TMBIM6: variants seen among roughly 807,000 people sequenced by gnomAD.
TMBIM6 encodes transmembrane BAX inhibitor motif containing 6.
Under a neutral mutation model 31.4 loss-of-function variants are expected in TMBIM6, and 13 were observed. That is an observed-to-expected ratio of 0.41 (90% CI 0.27 to 0.66). The LOEUF (loss-of-function observed/expected upper bound fraction) is 0.66, where lower values mean the gene tolerates loss of function less well. Ranked by LOEUF, TMBIM6 falls within the 30% of genes least tolerant of loss-of-function variation. The probability of loss-of-function intolerance (pLI) is 0.28; values close to 1 mark genes in which losing one functional copy is unlikely to be tolerated. For missense variants in TMBIM6, 275 were observed against 289.5 expected (o/e 0.95, Z 0.36); for synonymous variants, 85 against 101.7 (o/e 0.84, Z 0.99).
intron 1 of TMBIM6, 133 bp from the exon 2 acceptor site, chr12:49,752,331 G>A (rs1945509137): frequency 1.9e-6 from 1 of 530,532 alleles, no homozygotes; most frequent in Non-Finnish European, 3.3e-6. Flanking sequence ...AAATAAAAAT[G>A]GTTGTGTTAG....
At chr12:49,750,642 TTAG>T (rs1205457733) in intron 1 of TMBIM6, 5 of 152,156 alleles carry the variant, frequency 3.3e-5, no homozygotes, top group Non-Finnish European at 5.9e-5. Flanking sequence ...AGCAACAACC[TTAG>T]TAGGTTCTGC....
At position 49,756,742 on chromosome 12, in the gene TMBIM6, G is replaced by GT. The variant is rs567805408; in HGVS notation, c.286+998dup. 9.8e-3 allele frequency among the ~76,000 whole-genome samples: 1,226 copies of GT among 125,148 alleles called. 12 individuals carry two copies. The highest frequency in any genetic ancestry group is 0.035 in the Middle Eastern group (6 of 172). 82.1% of individuals were successfully genotyped at this position (125,148 alleles called of 152,430 possible). The stretch of plus-strand genomic sequence containing the variant: ...ACCCAGCGCTTTTTTTTGTTTTTTT[G>GT]TTTTTTTTTTTGAGACTGAGTTTCA... On this transcript the variant is annotated intron_variant, in intron 4 of 9. Transcript: ENST00000267115.
At chr12:49,745,380 TTAA>T (rs1945372051) in intron 1 of TMBIM6, among the ~76,000 whole-genome samples, 1 of 152,206 alleles carries the variant, frequency 6.6e-6, no homozygotes, top group Admixed American at 6.5e-5. Flanking sequence ...ATGATTGGAC[TTAA>T]TGATTTTTTA....
At position 49,753,052 on chromosome 12, in the gene TMBIM6, T is replaced by G; in HGVS notation, c.136T>G (p.Tyr46Asp). ...TATGTTTGTGGCGGCTGCAGGGGCCTATGTCCATATGGTCACTCATTTCAT... is the reference window on the plus strand; with the variant it reads ...TATGTTTGTGGCGGCTGCAGGGGCCGATGTCCATATGGTCACTCATTTCAT... Reference protein sequence around the residue: ...LCMFVAAAGAYVHMVTHFIQA... With the variant: ...LCMFVAAAGADVHMVTHFIQA... Residue 46 changes from tyrosine to aspartate, a missense_variant, in exon 3 of 10, where the codon TAT becomes GAT. Tyr to Asp is a radical substitution (Grantham distance 160). Transcript: ENST00000267115. The G allele has an allele frequency of 6.2e-7, 1 of 1,614,046 alleles. No individual in the cohort carries two copies. The highest frequency in any genetic ancestry group is 8.5e-7 in the Non-Finnish European group (1 of 1,179,978).
At position 49,764,807 on chromosome 12, in the gene TMBIM6, G is replaced by C. The variant is rs1284700093; in HGVS notation, c.*1911G>C. ...GTTATCTCTACCACTTTCTTTTCTA[G>C]TTTCTTGATTTTCAGCTCAGGCTGC... On this transcript the variant is annotated 3_prime_UTR_variant, in exon 10 of 10. Coordinates refer to ENST00000267115, the MANE Select transcript of TMBIM6 (RefSeq NM_003217.3). 1 of 151,392 alleles carries C rather than the reference G, an allele frequency of 6.6e-6. No individual in the cohort carries two copies. The highest frequency in any genetic ancestry group is 2.4e-5 in the African/African-American group (1 of 41,048). 9.4% of individuals were successfully genotyped at this position (151,392 alleles called of 1,614,324 possible).
chr12:49,760,085 C>T (rs1467331986), intron 8 of TMBIM6, among the ~76,000 whole-genome samples: 2 of 145,506 alleles, frequency 1.4e-5, no homozygotes, highest in African/African-American at 2.6e-5. Context: ...GCACTCCAGC[C>T]TGGACGACAG....
intron 1 of TMBIM6, among the ~76,000 whole-genome samples, chr12:49,744,930 T>C (rs990129999): frequency 2.0e-5 from 3 of 152,072 alleles, no homozygotes; most frequent in African/African-American, 7.3e-5. Context: ...GGAGATGAAG[T>C]AGTGTCAACG....
chr12:49,750,178 C>A (rs1945469812), intron 1 of TMBIM6, among the ~76,000 whole-genome samples: 1 of 152,144 alleles, frequency 6.6e-6, no homozygotes, highest in Non-Finnish European at 1.5e-5. Flanking sequence ...TGGGAAACGT[C>A]AGAGAAGTAT....
rs971790698 is a variant in TMBIM6 at position 49,742,001 on chromosome 12, A to T, written c.-31+390A>T. The T allele has an allele frequency of 3.9e-6, 5 of 1,289,928 alleles. No homozygotes were observed. The African/African-American group carries it at 5.9e-5, about 15-fold the overall frequency. 79.9% of individuals were successfully genotyped at this position (1,289,928 alleles called of 1,614,324 possible). A position where few individuals can be genotyped will look rare whatever the true frequency, so the allele number is the denominator to read the frequency against. On this transcript the variant is annotated intron_variant, in intron 1 of 9. Coordinates refer to ENST00000267115, the MANE Select transcript of TMBIM6 (RefSeq NM_003217.3). Reference sequence around the variant, plus strand: ...AGCTTCGATCGTTCGAATTCAGAGCACGTCCTTCCGAGGTGAAGGAACGCG... The same window carrying T: ...AGCTTCGATCGTTCGAATTCAGAGCTCGTCCTTCCGAGGTGAAGGAACGCG...
intron 4 of TMBIM6, among the ~76,000 whole-genome samples, chr12:49,757,122 C>G (rs1271844678): frequency 6.6e-6 from 1 of 152,196 alleles, no homozygotes; most frequent in Non-Finnish European, 1.5e-5. Context: ...CTGCCTCAGC[C>G]TCCCAAAGTG....
At chr12:49,745,499 C>T (rs1945374350) in intron 1 of TMBIM6, among the ~76,000 whole-genome samples, 2 of 152,018 alleles carry the variant, frequency 1.3e-5, no homozygotes, top group African/African-American at 4.8e-5. Context: ...CCGAGGTGGG[C>T]AGATCACTTG....
At chr12:49,749,857 G>T (rs1945463749) in intron 1 of TMBIM6, 2 of 152,172 alleles carry the variant, frequency 1.3e-5, no homozygotes, top group Admixed American at 6.5e-5. Flanking sequence ...GTCAACCCTG[G>T]TAAGTCAGGG....
intron 4 of TMBIM6, 82 bp downstream of exon 4, chr12:49,755,837 CT>C (rs369987981): frequency 0.16 from 165,745 of 1,053,786 alleles, no homozygotes; most frequent in South Asian, 0.2. Flanking sequence ...CTTTTTTTTT[CT>C]TTTTTTTTTT....
intron 1 of TMBIM6, chr12:49,742,083 C>T: frequency 3.2e-6 from 5 of 1,583,454 alleles, no homozygotes; most frequent in Non-Finnish European, 3.4e-6. Flanking sequence ...GTCGGGCTGA[C>T]CCTGGGTGAG....
At chr12:49,749,233 G>C (rs941903194) in intron 1 of TMBIM6, among the ~76,000 whole-genome samples, 11 of 152,142 alleles carry the variant, frequency 7.2e-5, no homozygotes, top group African/African-American at 2.7e-4. Flanking sequence ...CAGCTCTAGA[G>C]CAAACTATCA....
intron 1 of TMBIM6, among the ~76,000 whole-genome samples, chr12:49,745,014 C>A (rs908420156): frequency 2.0e-5 from 3 of 148,028 alleles, no homozygotes; most frequent in African/African-American, 7.9e-5. Flanking sequence ...TTGAGGCAGC[C>A]CCCTGGAGGA....
At chr12:49,758,847 G>A (rs1433549434) in intron 7 of TMBIM6, 85 bp downstream of exon 7, 2 of 1,135,270 alleles carry the variant, frequency 1.8e-6, no homozygotes, top group East Asian at 2.4e-5. Flanking sequence ...ACTTCTTTCT[G>A]TACTACTTTG....
intron 8 of TMBIM6, among the ~76,000 whole-genome samples, chr12:49,759,969 G>A (rs1316577212): frequency 2.6e-5 from 4 of 151,596 alleles, no homozygotes; most frequent in African/African-American, 7.3e-5. Context: ...AAAATTAGTC[G>A]GGCGTGGTGG....
At chr12:49,756,790 G>A (rs1159201955) in intron 4 of TMBIM6, among the ~76,000 whole-genome samples, 2 of 150,812 alleles carry the variant, frequency 1.3e-5, no homozygotes, top group African/African-American at 4.9e-5. Context: ...AGGCTGGAGT[G>A]CAGTGGCACG....
Sources: gnomAD v4.1 joint callset for allele counts (sites outside exome capture counted in the v4.1 genomes callset) on GRCh38, gnomAD v4.1.1 for gene constraint, MANE v1.5 for transcripts, NCBI Gene and HGNC (gene_info 2026-07-23, HGNC 2026-07-21) for gene names.